Variants in ONECUT3 observed in about 807,000 individuals in gnomAD.
ONECUT3 encodes one cut domain family member 3.
In ONECUT3, 11 loss-of-function variants were observed where a neutral mutation model predicts 16.8. The observed-to-expected ratio is 0.66, with a 90% confidence interval of 0.41 to 1.09. The LOEUF is 1.09. Among genes scored for constraint, ONECUT3 ranks in the 50% least tolerant of loss-of-function variants. The pLI is 0.00. For synonymous variants in ONECUT3, 344 were observed against 310.7 expected, an observed-to-expected ratio of 1.11 and a Z score of -1.13; for missense variants, 637 against 629.9, an observed-to-expected ratio of 1.01 and a Z score of -0.12.
rs2067954103 is a variant in ONECUT3 at position 1,762,909 on chromosome 19, T to G, written c.1192+8055T>G. Among the ~76,000 whole-genome samples the G allele has an allele frequency of 6.6e-6, 1 of 152,206 alleles. No individual in the cohort carries two copies. The highest frequency in any genetic ancestry group is 2.1e-4 in the South Asian group (1 of 4,830). Reference sequence around the variant, plus strand: ...CTCCACCTCCCTTGTTTTTGCTCCCTGGTTCCCTAAAATATTCTACATTCT... The same window carrying G: ...CTCCACCTCCCTTGTTTTTGCTCCCGGGTTCCCTAAAATATTCTACATTCT... On this transcript the variant is annotated intron_variant, in intron 1 of 1. Coordinates refer to ENST00000382349, the MANE Select transcript of ONECUT3 (RefSeq NM_001080488.2). This position sits in a 1 kb window ranked among gnomAD's most constrained non-coding sequence, Gnocchi z 4.4.
chr19:1,765,421 A>T (rs1054775111), intron 1 of ONECUT3, among the ~76,000 whole-genome samples: 4 of 152,088 alleles, frequency 2.6e-5, no homozygotes, highest in Admixed American at 1.3e-4. Context: ...AGCCCAGTGG[A>T]GCCCGCGCCT....
rs2067928772 is a variant in ONECUT3 at position 1,758,331 on chromosome 19, G to GAGAC, written c.1192+3480_1192+3481insCAGA. On this transcript the variant is annotated intron_variant, in intron 1 of 1. Transcript: ENST00000382349. The surrounding 1 kb of genome is among the most constrained non-coding windows in gnomAD (Gnocchi z 5.9). ...AAAAAAAAAAAGAGAGAGAGAGAGA[G>GAGAC]AGAGACAGAGATGGGAGAGGAACTC... 6.8e-6 allele frequency among the ~76,000 whole-genome samples: 1 copy of GAGAC among 146,162 alleles called. No homozygotes were observed. Among genetic ancestry groups the GAGAC allele is most frequent in the East Asian group, 2.0e-4 (1 of 5,052 alleles).
At position 1,758,333 on chromosome 19, in the gene ONECUT3, G is replaced by C. The variant is rs1012078982; in HGVS notation, c.1192+3479G>C. 1.3e-4 allele frequency among the ~76,000 whole-genome samples: 19 copies of C among 145,450 alleles called. No individual in the cohort carries two copies. Among genetic ancestry groups the C allele is most frequent in the African/African-American group, 3.2e-4 (12 of 37,496 alleles). ...AAAAAAAAAGAGAGAGAGAGAGAGAGAGACAGAGATGGGAGAGGAACTCTG... is the reference window on the plus strand; with the variant it reads ...AAAAAAAAAGAGAGAGAGAGAGAGACAGACAGAGATGGGAGAGGAACTCTG... On this transcript the variant is annotated intron_variant, in intron 1 of 1. Coordinates refer to ENST00000382349, the MANE Select transcript of ONECUT3 (RefSeq NM_001080488.2). The surrounding 1 kb of genome is among the most constrained non-coding windows in gnomAD (Gnocchi z 5.9).
chr19:1,767,174 G>A (rs1289636391), intron 1 of ONECUT3, among the ~76,000 whole-genome samples: 3 of 152,160 alleles, frequency 2.0e-5, no homozygotes, highest in African/African-American at 7.2e-5. Flanking sequence ...CTTGAGGGAG[G>A]GGGAAACTTC....
At chr19:1,774,585 C>T (rs1236328393) in intron 1 of ONECUT3, among the ~76,000 whole-genome samples, 2 of 152,126 alleles carry the variant, frequency 1.3e-5, no homozygotes, top group Non-Finnish European at 2.9e-5. Flanking sequence ...TGTCATTTCC[C>T]CAACACCCCC....
rs1278696772 is a variant in ONECUT3 at position 1,764,052 on chromosome 19, G to A, written c.1192+9198G>A. Reference sequence around the variant, plus strand: ...CTCCCCAGCCCCTTTCTGGGTGGCCGCTTCAGCCGCTTCTTATCACTGATT... The same window carrying A: ...CTCCCCAGCCCCTTTCTGGGTGGCCACTTCAGCCGCTTCTTATCACTGATT... On this transcript the variant is annotated intron_variant, in intron 1 of 1. Transcript: ENST00000382349. The surrounding 1 kb of genome is among the most constrained non-coding windows in gnomAD (Gnocchi z 5.0). 2.0e-5 allele frequency among the ~76,000 whole-genome samples: 3 copies of A among 152,212 alleles called. No individual in the cohort carries two copies. Among genetic ancestry groups the A allele is most frequent in the Admixed American group, 1.3e-4 (2 of 15,288 alleles).
At chr19:1,773,187 G>A (rs1010650844) in intron 1 of ONECUT3, among the ~76,000 whole-genome samples, 5 of 151,714 alleles carry the variant, frequency 3.3e-5, no homozygotes, top group Admixed American at 3.3e-4. Context: ...TTATAGCTTT[G>A]CCTGCCTTGT....
rs1293442163 is a variant in ONECUT3 at position 1,779,320 on chromosome 19, G to C, written c.*3875G>C. On this transcript the variant is annotated 3_prime_UTR_variant, in exon 2 of 2. Coordinates refer to ENST00000382349, the MANE Select transcript of ONECUT3 (RefSeq NM_001080488.2). ...GGAAAGTTAGAGGGAGCGTGATCGCGAGAGAGACTGCGGCAGAAAGGACCA... is the reference window on the plus strand; with the variant it reads ...GGAAAGTTAGAGGGAGCGTGATCGCCAGAGAGACTGCGGCAGAAAGGACCA... The C allele has an allele frequency of 6.6e-6, 1 of 152,158 alleles. No individual in the cohort carries two copies. Among genetic ancestry groups the C allele is most frequent in the Non-Finnish European group, 1.5e-5 (1 of 68,028 alleles). 9.4% of individuals were successfully genotyped at this position (152,158 alleles called of 1,614,324 possible).
Position 1,758,937 on chromosome 19 carries a change from G to C in ONECUT3, c.1192+4083G>C, listed in dbSNP as rs530290699. On this transcript the variant is annotated intron_variant, in intron 1 of 1. Transcript: ENST00000382349. This position sits in a 1 kb window ranked among gnomAD's most constrained non-coding sequence, Gnocchi z 5.9. ...TTGTAACTGATCAGAAAAAAAATAC[G>C]TATATAGATAATACAAAGTTAGATG... is the stretch of plus-strand genomic sequence containing the variant. Among the ~76,000 whole-genome samples the C allele has an allele frequency of 2.0e-4, 30 of 152,274 alleles. No individual in the cohort carries two copies. The highest frequency in any genetic ancestry group is 7.0e-4 in the African/African-American group (29 of 41,546).
rs1396874916 is a variant in ONECUT3, at chr19:1,754,434, G to A, written c.772G>A (p.Ala258Thr). The A allele has an allele frequency of 3.9e-6, 4 of 1,016,258 alleles. No homozygotes were observed. The African/African-American group carries it at 7.0e-5, about 18-fold the overall frequency. The allele number at this position is 1,016,258 out of a possible 1,614,324, so 63.0% of individuals were successfully genotyped here. Residue 258 changes from alanine to threonine, a missense_variant, in exon 1 of 2, where the codon GCA (alanine) becomes ACA (threonine). Ala to Thr is a moderately conservative substitution (Grantham distance 58). This residue lies in a region of ONECUT3 where 419 missense variants were observed against 377.9 expected (regional missense o/e 1.11). Coordinates refer to ENST00000382349, the MANE Select transcript of ONECUT3 (RefSeq NM_001080488.2). This position sits in a 1 kb window ranked among gnomAD's most constrained non-coding sequence, Gnocchi z 7.4. Reference sequence around the variant, plus strand: ...CGCGCTGCTGGGACGCGCGGAGGACGCACTGGCCCGCGGGCTGCCCGGAGG... The same window carrying A: ...CGCGCTGCTGGGACGCGCGGAGGACACACTGGCCCGCGGGCTGCCCGGAGG... Reference protein sequence around the residue: ...HAALLGRAEDALARGLPGGGG... With the variant: ...HAALLGRAEDTLARGLPGGGG...
intron 1 of ONECUT3, among the ~76,000 whole-genome samples, chr19:1,772,914 A>G (rs2068069749): frequency 7.1e-6 from 1 of 141,800 alleles, no homozygotes; most frequent in Non-Finnish European, 1.5e-5. Context: ...CGTGTTAGCC[A>G]GGATGGTCTT....
intron 1 of ONECUT3, among the ~76,000 whole-genome samples, chr19:1,771,988 A>ATTAT (rs61311263): frequency 0.32 from 44,683 of 141,208 alleles, 7,485 homozygotes; most frequent in East Asian, 0.4. Context: ...CTATTTAGTT[A>ATTAT]TTATTTATTT....
At chr19:1,771,570 G>T (rs1019025980) in intron 1 of ONECUT3, among the ~76,000 whole-genome samples, 2 of 152,138 alleles carry the variant, frequency 1.3e-5, no homozygotes, top group African/African-American at 4.8e-5. Context: ...ATGACATCTG[G>T]CTTTCCTCTA....
At position 1,755,236 on chromosome 19, in the gene ONECUT3, C is replaced by T. The variant is rs558956886; in HGVS notation, c.1192+382C>T. Among the ~76,000 whole-genome samples the T allele has an allele frequency of 3.3e-5, 5 of 151,908 alleles. No individual in the cohort carries two copies. In the East Asian group the frequency reaches 7.8e-4, roughly 24 times the overall value. On this transcript the variant is annotated intron_variant, in intron 1 of 1. Coordinates refer to ENST00000382349, the MANE Select transcript of ONECUT3 (RefSeq NM_001080488.2). This position sits in a 1 kb window ranked among gnomAD's most constrained non-coding sequence, Gnocchi z 7.5. ...GCGCGCCTGTTGGGGGGAGCTGTGT[C>T]CCCGAACGAGCTGCTGTTGTCGGCT...
At position 1,778,616 on chromosome 19, in the gene ONECUT3, G is replaced by A. The variant is rs1664256581; in HGVS notation, c.*3171G>A. 6.6e-6 allele frequency: 1 copy of A among 151,766 alleles called. No homozygotes were observed. Among genetic ancestry groups the A allele is most frequent in the Non-Finnish European group, 1.5e-5 (1 of 67,958 alleles). 9.4% of individuals were successfully genotyped at this position (151,766 alleles called of 1,614,324 possible). A position where few individuals can be genotyped will look rare whatever the true frequency, so the allele number is the denominator to read the frequency against. On this transcript the variant is annotated 3_prime_UTR_variant, in exon 2 of 2. Coordinates refer to ENST00000382349, the MANE Select transcript of ONECUT3 (RefSeq NM_001080488.2). ...GGGGCCTCCAGTTTTGTCCCCTGCTGGAAATTTAGGACTTGGCTTGGGATC... is the reference window on the plus strand; with the variant it reads ...GGGGCCTCCAGTTTTGTCCCCTGCTAGAAATTTAGGACTTGGCTTGGGATC...
rs2067993599 is a variant in ONECUT3 at position 1,766,698 on chromosome 19, C to G, written c.1193-8455C>G. 6.6e-6 allele frequency among the ~76,000 whole-genome samples: 1 copy of G among 152,100 alleles called. No individual in the cohort carries two copies. Among genetic ancestry groups the G allele is most frequent in the Admixed American group, 6.5e-5 (1 of 15,282 alleles). On this transcript the variant is annotated intron_variant, in intron 1 of 1. Transcript: ENST00000382349. This position sits in a 1 kb window ranked among gnomAD's most constrained non-coding sequence, Gnocchi z 4.0. Reference sequence around the variant, plus strand: ...AATGACTGAATTCAGGGCCCCTACTCAGCTACTGGCTTCCTGCTGAGGGCA... The same window carrying G: ...AATGACTGAATTCAGGGCCCCTACTGAGCTACTGGCTTCCTGCTGAGGGCA...
intron 1 of ONECUT3, among the ~76,000 whole-genome samples, chr19:1,769,106 A>G (rs1438155723): frequency 1.8e-4 from 13 of 72,728 alleles, no homozygotes; most frequent in African/African-American, 2.3e-4. Context: ...GGAGGAGGAG[A>G]TGCTGGAGGT....
In ONECUT3 at chr19:1,758,318, AGAG is replaced by A. The variant is rs2067928400; in HGVS notation, c.1192+3465_1192+3467del. On this transcript the variant is annotated intron_variant, in intron 1 of 1. Coordinates refer to ENST00000382349, the MANE Select transcript of ONECUT3 (RefSeq NM_001080488.2). This position sits in a 1 kb window ranked among gnomAD's most constrained non-coding sequence, Gnocchi z 5.9. The stretch of plus-strand genomic sequence containing the variant: ...GAGAGACCAAAAAAAAAAAAAAAAG[AGAG>A]AGAGAGAGAGAGAGACAGAGATGGG... 3.9e-4 allele frequency among the ~76,000 whole-genome samples: 19 copies of A among 48,918 alleles called. No homozygotes were observed. Among genetic ancestry groups the A allele is most frequent in the Admixed American group, 8.2e-4 (4 of 4,902 alleles). The allele number at this position is 48,918 out of a possible 152,430, so 32.1% of individuals were successfully genotyped here.
In ONECUT3 at chr19:1,775,150, C is replaced by T; in HGVS notation, c.1193-3C>T. On this transcript the variant is annotated splice_region_variant and splice_polypyrimidine_tract_variant and intron_variant, in intron 1 of 1. Transcript: ENST00000382349. ...CGCCCGCCCGCCCGCCGCTCGCCCG[C>T]AGCCTGCAAGCGCAAGGAACAGGAG... is the stretch of plus-strand genomic sequence containing the variant. 6.9e-7 allele frequency: 1 copy of T among 1,453,362 alleles called. No individual in the cohort carries two copies. Among genetic ancestry groups the T allele is most frequent in the South Asian group, 1.4e-5 (1 of 73,766 alleles). The allele number at this position is 1,453,362 out of a possible 1,614,324, so 90.0% of individuals were successfully genotyped here.
Sources: gnomAD v4.1 joint callset for allele counts (sites outside exome capture counted in the v4.1 genomes callset) on GRCh38, gnomAD v4.1.1 for gene constraint, gnomAD v4.1.1 regional missense constraint, Gnocchi (gnomAD v3.1) non-coding constraint, MANE v1.5 for transcripts, NCBI Gene and HGNC (gene_info 2026-07-23, HGNC 2026-07-21) for gene names.